Variants in CPNE8 observed in about 807,000 individuals in gnomAD.
CPNE8 encodes the protein copine-8.
A neutral mutation model predicts 81.5 loss-of-function variants in CPNE8; 45 were observed. The observed-to-expected ratio is 0.55, with a 90% confidence interval of 0.44 to 0.71. The LOEUF is 0.71. CPNE8 is among the 30% of genes least tolerant of loss of function. The pLI, the probability that CPNE8 is intolerant of heterozygous loss-of-function variation, is 0.00. For synonymous variants in CPNE8, 252 were observed against 226.3 expected (o/e 1.11, Z -1.02); for missense variants, 594 against 672.1 (o/e 0.88, Z 1.28).
At chr12:38,770,352 C>T (rs917530221) in intron 7 of CPNE8, among the ~76,000 whole-genome samples, 1 of 152,152 alleles carries the variant, frequency 6.6e-6, no homozygotes, top group African/African-American at 2.4e-5. Context: ...CATCATTTAC[C>T]TCTAAAATTT....
chr12:38,673,015 G>A (rs148583595), intron 18 of CPNE8, among the ~76,000 whole-genome samples: 84 of 152,138 alleles, frequency 5.5e-4, no homozygotes, highest in Non-Finnish European at 9.8e-4. Flanking sequence ...TGTTGAGGGA[G>A]GGACCTGTAA....
intron 6 of CPNE8, among the ~76,000 whole-genome samples, chr12:38,796,933 C>A (rs554948196): frequency 6.6e-6 from 1 of 152,314 alleles, no homozygotes; most frequent in African/African-American, 2.4e-5. Flanking sequence ...TCCATGGAGT[C>A]TCGCTGATTG....
intron 8 of CPNE8, 30 bp downstream of exon 8, chr12:38,767,605 A>G: frequency 8.0e-7 from 1 of 1,254,922 alleles, no homozygotes; most frequent in Non-Finnish European, 1.1e-6. Flanking sequence ...TCATTACCAT[A>G]TAGTTGAAAT....
chr12:38,811,439 T>C (rs1056771511), intron 6 of CPNE8, among the ~76,000 whole-genome samples: 1 of 152,176 alleles, frequency 6.6e-6, no homozygotes, highest in African/African-American at 2.4e-5. Flanking sequence ...ACATGGATGG[T>C]TCTCACAAAT....
At chr12:38,741,393 C>T (rs958684539) in intron 10 of CPNE8, among the ~76,000 whole-genome samples, 2 of 152,160 alleles carry the variant, frequency 1.3e-5, no homozygotes, top group African/African-American at 4.8e-5. Flanking sequence ...CTACAACCAT[C>T]TGATCTTTGA....
rs758981627 is a variant in CPNE8, at chr12:38,736,233, GT to G, written c.723-5876del. On this transcript the variant is annotated intron_variant, in intron 10 of 19. Coordinates refer to ENST00000331366, the MANE Select transcript of CPNE8 (RefSeq NM_153634.3). The stretch of plus-strand genomic sequence containing the variant: ...TGGGTGTATATATGTGTGTGTGTGT[GT>G]TGTGTGTGTATTACACTTCTATAAT... 5.7e-4 allele frequency among the ~76,000 whole-genome samples: 50 copies of G among 87,216 alleles called. 1 individual carries two copies. Among genetic ancestry groups the G allele is most frequent in the Middle Eastern group, 8.8e-3 (1 of 114 alleles). 57.2% of individuals were successfully genotyped at this position (87,216 alleles called of 152,430 possible). A position where few individuals can be genotyped will look rare whatever the true frequency, so the allele number is the denominator to read the frequency against.
chr12:38,722,043 C>A (rs752211959), intron 13 of CPNE8, among the ~76,000 whole-genome samples: 2 of 152,136 alleles, frequency 1.3e-5, no homozygotes, highest in Non-Finnish European at 2.9e-5. Context: ...CTAGGCCAAG[C>A]GGATGGAACG....
intron 6 of CPNE8, among the ~76,000 whole-genome samples, chr12:38,810,224 T>C (rs1201400762): frequency 6.6e-6 from 1 of 152,192 alleles, no homozygotes; most frequent in Non-Finnish European, 1.5e-5. Flanking sequence ...GCATATGTCA[T>C]GAGGACTCAT....
At chr12:38,785,312 GGT>G (rs1371216367) in intron 6 of CPNE8, among the ~76,000 whole-genome samples, 1 of 151,882 alleles carries the variant, frequency 6.6e-6, no homozygotes, top group Non-Finnish European at 1.5e-5. Context: ...GTGTAACTGT[GGT>G]GTGTAAAATA....
chr12:38,799,769 C>A (rs1330609177), intron 6 of CPNE8, among the ~76,000 whole-genome samples: 4 of 143,740 alleles, frequency 2.8e-5, no homozygotes, highest in Non-Finnish European at 6.3e-5. Flanking sequence ...CTAGGGAGTG[C>A]CAGACAGTGG....
At chr12:38,825,085 A>G (rs1943167846) in intron 6 of CPNE8, among the ~76,000 whole-genome samples, 2 of 152,188 alleles carry the variant, frequency 1.3e-5, no homozygotes, top group African/African-American at 4.8e-5. Context: ...TATACCATAA[A>G]TACCTATTAT....
At chr12:38,860,545 C>A (rs1943815547) in intron 3 of CPNE8, among the ~76,000 whole-genome samples, 1 of 140,672 alleles carries the variant, frequency 7.1e-6, no homozygotes, top group Admixed American at 7.5e-5. Context: ...CCAGCAATCC[C>A]ACTTTTGAGT....
intron 6 of CPNE8, among the ~76,000 whole-genome samples, chr12:38,807,498 G>T (rs1467465488): frequency 6.6e-6 from 1 of 150,934 alleles, no homozygotes; most frequent in Non-Finnish European, 1.5e-5. Context: ...ACAAGCAATG[G>T]GGAAAGGATT....
intron 1 of CPNE8, among the ~76,000 whole-genome samples, chr12:38,889,634 C>A (rs140174685): frequency 0.03 from 4,613 of 152,210 alleles, 110 homozygotes; most frequent in Middle Eastern, 0.061. Context: ...ATGTCATTTG[C>A]CCTTTTTGAG....
At chr12:38,857,739 C>A (rs945911006) in intron 3 of CPNE8, among the ~76,000 whole-genome samples, 1 of 151,628 alleles carries the variant, frequency 6.6e-6, no homozygotes, top group Non-Finnish European at 1.5e-5. Flanking sequence ...GGCGAACCCC[C>A]AAAAAAAATA....
intron 10 of CPNE8, among the ~76,000 whole-genome samples, chr12:38,734,157 C>T (rs1940900427): frequency 6.6e-6 from 1 of 151,914 alleles, no homozygotes; most frequent in Admixed American, 6.6e-5. Context: ...AAGGTATTAA[C>T]TTCATCTCAG....
intron 7 of CPNE8, among the ~76,000 whole-genome samples, chr12:38,771,020 T>C (rs1941788915): frequency 3.3e-5 from 5 of 152,206 alleles, no homozygotes; most frequent in Admixed American, 1.3e-4. Flanking sequence ...GGTTGTGGTG[T>C]TGTGTTTTGT....
chr12:38,706,167 A>G (rs2136698853), intron 13 of CPNE8, among the ~76,000 whole-genome samples: 1 of 152,250 alleles, frequency 6.6e-6, no homozygotes, highest in African/African-American at 2.4e-5. Context: ...TCTGGCTATA[A>G]TAGGCACACA....
chr12:38,817,391 T>C (rs1233446343), intron 6 of CPNE8, among the ~76,000 whole-genome samples: 2 of 152,138 alleles, frequency 1.3e-5, no homozygotes, highest in Non-Finnish European at 2.9e-5. Context: ...GCCCTGTTTA[T>C]CTCAGATAAA....
Sources: gnomAD v4.1 joint callset for allele counts (sites outside exome capture counted in the v4.1 genomes callset) on GRCh38, gnomAD v4.1.1 for gene constraint, MANE v1.5 for transcripts, NCBI Gene and HGNC (gene_info 2026-07-23, HGNC 2026-07-21) for gene names.